NRG1: variants seen among roughly 807,000 people sequenced by gnomAD.
NRG1 encodes the protein pro-neuregulin-1, membrane-bound isoform.
NRG1 carries 18 observed loss-of-function variants against 63.8 expected under a neutral mutation model. The observed-to-expected ratio is 0.28, with a 90% CI of 0.19 to 0.42. The LOEUF (loss-of-function observed/expected upper bound fraction) is 0.42, where lower values mean the gene tolerates loss of function less well. Among genes scored for constraint, NRG1 ranks in the 10% least tolerant of loss-of-function variants. The pLI is 1.00. For missense variants in NRG1, 762 were observed against 814.7 expected, an observed-to-expected ratio of 0.94 and a Z score of 0.79; for synonymous variants, 302 against 301.3, an observed-to-expected ratio of 1.00 and a Z score of -0.02.
chr8:31,909,921 G>A (rs1346265506), intron 1 of NRG1, among the ~76,000 whole-genome samples: 1 of 152,146 alleles, frequency 6.6e-6, no homozygotes, highest in African/African-American at 2.4e-5. Flanking sequence ...TCTTCGTGAT[G>A]TGAGGTCAAG....
intron 1 of NRG1, among the ~76,000 whole-genome samples, chr8:31,727,175 A>C (rs76567037): frequency 6.6e-6 from 1 of 152,194 alleles, no homozygotes. Context: ...GGAGCTTACC[A>C]TCTAGTGGGA....
intron 1 of NRG1, among the ~76,000 whole-genome samples, chr8:31,733,584 G>A (rs553288782): frequency 6.6e-6 from 1 of 152,270 alleles, no homozygotes; most frequent in Non-Finnish European, 1.5e-5. Context: ...AAGATTTTGA[G>A]GAGTTGCAGC....
chr8:32,078,730 A>G (rs1826983818), intron 1 of NRG1, among the ~76,000 whole-genome samples: 1 of 152,136 alleles, frequency 6.6e-6, no homozygotes, highest in Non-Finnish European at 1.5e-5. Flanking sequence ...AGAACAAATA[A>G]TCTCCATTTC....
At chr8:31,684,394 A>G (rs1281110201) in intron 1 of NRG1, among the ~76,000 whole-genome samples, 2 of 152,226 alleles carry the variant, frequency 1.3e-5, no homozygotes, top group Non-Finnish European at 2.9e-5. Flanking sequence ...ATGTGAAAAC[A>G]TAGCATCAAG....
intron 1 of NRG1, among the ~76,000 whole-genome samples, chr8:31,783,603 C>CAAAAAAAAA (rs772436543): frequency 1.8e-5 from 2 of 110,580 alleles, no homozygotes; most frequent in Non-Finnish European, 1.9e-5. Context: ...TGTTTTCAGG[C>CAAAAAAAAA]AAAAAAAAAA....
At chr8:32,620,854 A>G (rs1380836908) in intron 5 of NRG1, among the ~76,000 whole-genome samples, 1 of 151,934 alleles carries the variant, frequency 6.6e-6, no homozygotes, top group Non-Finnish European at 1.5e-5. Context: ...AAAAGAAAGA[A>G]AGAAAAAGAA....
At chr8:32,172,283 G>A (rs961494037) in intron 1 of NRG1, among the ~76,000 whole-genome samples, 4 of 152,186 alleles carry the variant, frequency 2.6e-5, no homozygotes, top group African/African-American at 7.2e-5. Context: ...GCAGCTGTGG[G>A]TCCTGACTGT....
chr8:31,803,914 G>T (rs780179564), intron 1 of NRG1, among the ~76,000 whole-genome samples: 3 of 152,104 alleles, frequency 2.0e-5, no homozygotes, highest in African/African-American at 7.2e-5. Flanking sequence ...TTTGCAGTTA[G>T]CTCTGTTTGG....
At chr8:31,853,049 C>A (rs1586817343) in intron 1 of NRG1, among the ~76,000 whole-genome samples, 1 of 151,978 alleles carries the variant, frequency 6.6e-6, no homozygotes, top group African/African-American at 2.4e-5. Flanking sequence ...TAGTGTGATG[C>A]CTCCAGCTTT....
Position 32,231,954 on chromosome 8 carries a change from A to C in NRG1, c.38-363874A>C, listed in dbSNP as rs573188660. Among the ~76,000 whole-genome samples the C allele has an allele frequency of 1.8e-4, 28 of 152,018 alleles. 1 individual carries two copies. In the South Asian group the frequency reaches 5.2e-3, roughly 28 times the overall value. Reference sequence around the variant, plus strand: ...TCTTTTCTTCCATTACCCAGACTGGAGTGCAGTGGCATGATCACAGCTCAC... The same window carrying C: ...TCTTTTCTTCCATTACCCAGACTGGCGTGCAGTGGCATGATCACAGCTCAC... On this transcript the variant is annotated intron_variant, in intron 1 of 10. Coordinates refer to the NRG1 transcript ENST00000519301.
At chr8:31,858,871 T>A (rs545623569) in intron 1 of NRG1, among the ~76,000 whole-genome samples, 1 of 152,178 alleles carries the variant, frequency 6.6e-6, no homozygotes, top group African/African-American at 2.4e-5. Context: ...ATTTGCCATA[T>A]TCACCTGATC....
At chr8:31,886,042 A>G (rs1418914486) in intron 1 of NRG1, among the ~76,000 whole-genome samples, 1 of 152,092 alleles carries the variant, frequency 6.6e-6, no homozygotes, top group Non-Finnish European at 1.5e-5. Context: ...TTCTCAGGAT[A>G]TGAGTAAGAA....
At chr8:32,088,671 C>A (rs1046194081) in intron 1 of NRG1, among the ~76,000 whole-genome samples, 7 of 151,998 alleles carry the variant, frequency 4.6e-5, no homozygotes, top group Non-Finnish European at 1.0e-4. Flanking sequence ...GTGCACGCCA[C>A]CATGCCCAGC....
intron 1 of NRG1, among the ~76,000 whole-genome samples, chr8:32,040,366 C>A (rs1819742970): frequency 6.6e-6 from 1 of 152,034 alleles, no homozygotes; most frequent in African/African-American, 2.4e-5. Context: ...TAGTGAAAGT[C>A]AAAGCACATT....
chr8:32,362,397 A>G (rs7836860), intron 1 of NRG1, among the ~76,000 whole-genome samples: 20,243 of 152,256 alleles, frequency 0.13, 1,622 homozygotes, highest in Middle Eastern at 0.21. Flanking sequence ...CACACGGAAT[A>G]TGCGATGTTG....
chr8:31,782,097 A>G (rs1819743710), intron 1 of NRG1, among the ~76,000 whole-genome samples: 1 of 152,060 alleles, frequency 6.6e-6, no homozygotes, highest in Non-Finnish European at 1.5e-5. Flanking sequence ...GACTATTAGA[A>G]CTTAAATGAT....
intron 1 of NRG1, among the ~76,000 whole-genome samples, chr8:32,528,936 A>G (rs1365463783): frequency 1.3e-5 from 2 of 152,238 alleles, no homozygotes; most frequent in Non-Finnish European, 2.9e-5. Context: ...ATTGATACTT[A>G]AATTTGACAA....
intron 11 of NRG1, chr8:32,763,472 T>C: frequency 8.1e-7 from 1 of 1,239,348 alleles, no homozygotes; most frequent in South Asian, 1.5e-5. Flanking sequence ...CATATGCCAT[T>C]ATTTATAATT....
At chr8:31,961,498 TG>T (rs1192069844) in intron 1 of NRG1, among the ~76,000 whole-genome samples, 2 of 152,188 alleles carry the variant, frequency 1.3e-5, no homozygotes, top group Non-Finnish European at 2.9e-5. Context: ...CTGAAATACT[TG>T]TTAGAATTTT....
Sources: gnomAD v4.1 joint callset for allele counts (sites outside exome capture counted in the v4.1 genomes callset) on GRCh38, gnomAD v4.1.1 for gene constraint, MANE v1.5 for transcripts, NCBI Gene and HGNC (gene_info 2026-07-23, HGNC 2026-07-21) for gene names.